Variants in VPS41 observed in about 807,000 individuals in gnomAD.
The protein encoded by VPS41 is VPS41 subunit of HOPS complex.
A neutral mutation model predicts 130.9 loss-of-function variants in VPS41; 85 were observed. The observed-to-expected ratio is 0.65, with a 90% confidence interval of 0.55 to 0.78. The LOEUF (loss-of-function observed/expected upper bound fraction) is 0.78, where lower values mean the gene tolerates loss of function less well. Among genes scored for constraint, VPS41 ranks in the 30% least tolerant of loss-of-function variants. The pLI is 0.00. For synonymous variants in VPS41, 335 were observed against 332.9 expected (o/e 1.01, Z -0.07); for missense variants, 874 against 1,018.7 (o/e 0.86, Z 1.93).
At chr7:38,888,627 A>C (rs969989248) in intron 2 of VPS41, among the ~76,000 whole-genome samples, 2 of 152,160 alleles carry the variant, frequency 1.3e-5, no homozygotes, top group African/African-American at 4.8e-5. Flanking sequence ...CGAGACAGAA[A>C]ATTAACAAGG....
At chr7:38,865,171 CT>C (rs778568837) in intron 3 of VPS41, among the ~76,000 whole-genome samples, 5 of 152,158 alleles carry the variant, frequency 3.3e-5, no homozygotes, top group African/African-American at 4.8e-5. Context: ...GTTGATGAGA[CT>C]TCCCTGGAAA....
At chr7:38,860,737 GT>G (rs1786089115) in intron 4 of VPS41, among the ~76,000 whole-genome samples, 2 of 128,626 alleles carry the variant, frequency 1.6e-5, no homozygotes, top group Admixed American at 7.6e-5. Context: ...GTGTGTGTGT[GT>G]GTGTGGACAT....
At chr7:38,818,920 A>C (rs1259597272) in intron 6 of VPS41, among the ~76,000 whole-genome samples, 1 of 152,182 alleles carries the variant, frequency 6.6e-6, no homozygotes, top group East Asian at 1.9e-4. Flanking sequence ...AAGGATTAGC[A>C]TATGATCCTT....
At chr7:38,869,903 C>G (rs570986792) in intron 2 of VPS41, among the ~76,000 whole-genome samples, 10 of 152,100 alleles carry the variant, frequency 6.6e-5, no homozygotes, top group Non-Finnish European at 1.5e-4. Flanking sequence ...GTGCTCCCAC[C>G]ACAAATAACC....
At chr7:38,832,854 ATTT>A (rs952113244) in intron 4 of VPS41, among the ~76,000 whole-genome samples, 2 of 152,114 alleles carry the variant, frequency 1.3e-5, no homozygotes, top group African/African-American at 2.4e-5. Flanking sequence ...TGACTCCTAC[ATTT>A]TTATCTCCAG....
Position 38,767,553 on chromosome 7 carries a change from A to T in VPS41, c.1231T>A (p.Tyr411Asn), listed in dbSNP as rs533605836. The T allele has an allele frequency of 6.2e-7, 1 of 1,608,814 alleles. No homozygotes were observed. Among genetic ancestry groups the T allele is most frequent in the African/African-American group, 1.3e-5 (1 of 74,950 alleles). Residue 411 changes from tyrosine to asparagine, a missense_variant, in exon 15 of 29, where the codon TAT (tyrosine) becomes AAT (asparagine). Tyr to Asn is a moderately radical substitution (Grantham distance 143). Transcript: ENST00000310301. The stretch of plus-strand genomic sequence containing the variant: ...CATCATTACCGTGCTGCTATGTCAT[A>T]GTCTCCTCTCTCCACCAGGTGATTT... The part of the protein sequence containing the change: ...YINHLVERGD[Y>N]DIAARKCQKI...
intron 5 of VPS41, among the ~76,000 whole-genome samples, chr7:38,821,478 G>A (rs1043156060): frequency 3.3e-5 from 5 of 152,178 alleles, no homozygotes; most frequent in Admixed American, 2.0e-4. Flanking sequence ...AGAGGCCGAG[G>A]TGGGTGGATC....
At chr7:38,752,625 C>T (rs1248557856) in intron 21 of VPS41, among the ~76,000 whole-genome samples, 2 of 152,136 alleles carry the variant, frequency 1.3e-5, no homozygotes, top group Non-Finnish European at 2.9e-5. Context: ...GACAATTAAA[C>T]GAGTTGCCAT....
At chr7:38,793,247 C>G (rs1784565065) in intron 9 of VPS41, among the ~76,000 whole-genome samples, 1 of 152,218 alleles carries the variant, frequency 6.6e-6, no homozygotes, top group Non-Finnish European at 1.5e-5. Context: ...AGAACACTGC[C>G]TGGCACACTG....
In VPS41 at chr7:38,767,418, CCCT is replaced by C. The variant is rs372812128; in HGVS notation, c.1247+116_1247+118del. 850 of 497,778 alleles carry C rather than the reference CCCT, an allele frequency of 1.7e-3. 5 individuals carry two copies. Among genetic ancestry groups the C allele is most frequent in the African/African-American group, 0.016 (794 of 49,976 alleles). The allele number at this position is 497,778 out of a possible 1,614,324, so 30.8% of individuals were successfully genotyped here. ...ATTTAAAAATAATATTCAAAAATTACCCTCGTTAGAAAGATGTACAAAAATAAA... is the reference window on the plus strand; with the variant it reads ...ATTTAAAAATAATATTCAAAAATTACCGTTAGAAAGATGTACAAAAATAAA... On this transcript the variant is annotated intron_variant, in intron 15 of 28. Coordinates refer to ENST00000310301, the MANE Select transcript of VPS41 (RefSeq NM_014396.4).
Position 38,830,252 on chromosome 7 carries a change from A to C in VPS41, c.321+2T>G, listed in dbSNP as rs900599428. On this transcript the variant is annotated splice_donor_variant, in intron 5 of 28. Transcript: ENST00000310301. LOFTEE classifies it high-confidence loss of function. The stretch of plus-strand genomic sequence containing the variant: ...CTCTGCATGACCACATCTTTGCCAT[A>C]CCTTGCCATCCTCTGAACACACACC... 1 of 1,608,212 alleles carries C rather than the reference A, an allele frequency of 6.2e-7. No homozygotes were observed. Among genetic ancestry groups the C allele is most frequent in the Non-Finnish European group, 8.5e-7 (1 of 1,174,534 alleles).
intron 23 of VPS41, 92 bp from the exon 24 acceptor site, chr7:38,743,634 G>A (rs1490969335): frequency 1.2e-5 from 17 of 1,447,664 alleles, no homozygotes; most frequent in Non-Finnish European, 3.8e-6. Flanking sequence ...TGTTTACATA[G>A]GTGGAAAGCT....
chr7:38,787,104 C>T (rs1170563394), intron 10 of VPS41, among the ~76,000 whole-genome samples: 1 of 152,124 alleles, frequency 6.6e-6, no homozygotes, highest in African/African-American at 2.4e-5. Context: ...CCCTTTCTTC[C>T]TGACTTGTCA....
intron 24 of VPS41, among the ~76,000 whole-genome samples, chr7:38,743,039 C>T (rs1283635004): frequency 6.6e-6 from 1 of 151,292 alleles, no homozygotes; most frequent in Non-Finnish European, 1.5e-5. Flanking sequence ...AAGGTCTATA[C>T]ACTTAAACTA....
At chr7:38,768,402 CA>C (rs565417910) in intron 14 of VPS41, among the ~76,000 whole-genome samples, 57 of 141,978 alleles carry the variant, frequency 4.0e-4, no homozygotes, top group Admixed American at 4.2e-4. Context: ...TCTTGGATGG[CA>C]AAAAAAAAAA....
intron 9 of VPS41, 118 bp downstream of exon 9, chr7:38,795,347 A>T: frequency 1.3e-6 from 1 of 758,426 alleles, no homozygotes; most frequent in Non-Finnish European, 2.0e-6. Flanking sequence ...ATCACGTCAC[A>T]ATAACATCCA....
At position 38,771,227 on chromosome 7, in the gene VPS41, G is replaced by A. The variant is rs1319951154; in HGVS notation, c.1156C>T (p.Gln386Ter). The A allele has an allele frequency of 6.3e-7, 1 of 1,598,994 alleles. No individual in the cohort carries two copies. The highest frequency in any genetic ancestry group is 8.5e-7 in the Non-Finnish European group (1 of 1,174,368). ...EEALMAAEIS[Q>*]KNIKRHKILD... ...ATCTTATGTCTTTTAATATTTTTTTGGCTAATTTCAGCTGCCATCAATGCT... is the reference window on the plus strand; with the variant it reads ...ATCTTATGTCTTTTAATATTTTTTTAGCTAATTTCAGCTGCCATCAATGCT... The change falls in exon 14 of 29, where the codon CAA (glutamine) becomes TAA (stop). Residue 386 changes from glutamine to a stop codon, truncating the protein, a stop_gained. Coordinates refer to ENST00000310301, the MANE Select transcript of VPS41 (RefSeq NM_014396.4). LOFTEE classifies it high-confidence loss of function.
At chr7:38,833,450 C>T (rs990500758) in intron 4 of VPS41, among the ~76,000 whole-genome samples, 11 of 152,168 alleles carry the variant, frequency 7.2e-5, no homozygotes, top group African/African-American at 2.7e-4. Flanking sequence ...GACCTCATCC[C>T]CTCTTCCCCT....
At chr7:38,792,990 A>G (rs1338672414) in intron 9 of VPS41, among the ~76,000 whole-genome samples, 1 of 152,152 alleles carries the variant, frequency 6.6e-6, no homozygotes, top group Non-Finnish European at 1.5e-5. Flanking sequence ...ATAGAGCTGT[A>G]TAACTTTTCT....
Sources: gnomAD v4.1 joint callset for allele counts (sites outside exome capture counted in the v4.1 genomes callset) on GRCh38, gnomAD v4.1.1 for gene constraint, MANE v1.5 for transcripts, NCBI Gene and HGNC (gene_info 2026-07-23, HGNC 2026-07-21) for gene names.